Variants in DGKZ observed in about 807,000 individuals in gnomAD.
DGKZ encodes DAG kinase zeta.
In DGKZ, 45 loss-of-function variants were observed where a neutral mutation model predicts 142.5. That is an observed-to-expected ratio of 0.32 (90% CI 0.25 to 0.40). The LOEUF (loss-of-function observed/expected upper bound fraction) is 0.40, where lower values mean the gene tolerates loss of function less well. Among genes scored for constraint, DGKZ ranks in the 10% least tolerant of loss-of-function variants. DGKZ has a pLI of 1.00. For synonymous variants in DGKZ, 442 were observed against 527.0 expected (o/e 0.84, Z 2.21); for missense variants, 755 against 1,306.5 (o/e 0.58, Z 6.51).
At chr11:46,373,131 G>A (rs566611262) in intron 14 of DGKZ, 30 bp downstream of exon 14, 1 of 1,525,042 alleles carries the variant, frequency 6.6e-7, no homozygotes, top group South Asian at 1.2e-5. Flanking sequence ...TGGGGGGCAG[G>A]GCAGGTGACT....
chr11:46,363,087 A>C (rs1437317522), intron 1 of DGKZ, among the ~76,000 whole-genome samples: 1 of 152,110 alleles, frequency 6.6e-6, no homozygotes, highest in Non-Finnish European at 1.5e-5. Flanking sequence ...CTGTGTGGCG[A>C]GGTGGAGGTG....
Position 46,373,176 on chromosome 11 carries a change from T to C in DGKZ, c.1326+75T>C, listed in dbSNP as rs938541753. The C allele has an allele frequency of 4.8e-6, 7 of 1,471,138 alleles. No individual in the cohort carries two copies. In the African/African-American group the frequency reaches 1.0e-4, roughly 21 times the overall value. The allele number at this position is 1,471,138 out of a possible 1,614,324, so 91.1% of individuals were successfully genotyped here. ...ATCCCACTTTTCCACTTGCTGGTTC[T>C]GGGACCTCGGGCGTGTCTCTTCATT... On this transcript the variant is annotated intron_variant, in intron 14 of 30. Transcript: ENST00000527911.
At chr11:46,349,883 T>C (rs1466545985) in intron 1 of DGKZ, among the ~76,000 whole-genome samples, 1 of 151,420 alleles carries the variant, frequency 6.6e-6, no homozygotes, top group Admixed American at 6.5e-5. Flanking sequence ...CTTTAAGAAA[T>C]ACAGATTCCT....
upstream of DGKZ, among the ~76,000 whole-genome samples, chr11:46,346,892 T>A (rs993268564): frequency 2.6e-5 from 4 of 152,218 alleles, no homozygotes; most frequent in Admixed American, 2.6e-4. Context: ...TGTTGGTGTG[T>A]GTGCGAGTCA....
intron 1 of DGKZ, among the ~76,000 whole-genome samples, chr11:46,352,062 G>A (rs1174030742): frequency 6.6e-6 from 1 of 152,228 alleles, no homozygotes; most frequent in East Asian, 1.9e-4. Context: ...TGGGCTGGGG[G>A]AGAGTGAGAG....
At chr11:46,376,428 T>C in intron 23 of DGKZ, 31 bp downstream of exon 23, 2 of 1,614,058 alleles carry the variant, frequency 1.2e-6, no homozygotes, top group Middle Eastern at 1.6e-4. Context: ...CCAAGCTGTT[T>C]CGTGTTCCCT....
chr11:46,376,757 C>G, intron 24 of DGKZ, 193 bp downstream of exon 24: 2 of 808,100 alleles, frequency 2.5e-6, no homozygotes, highest in Non-Finnish European at 3.8e-6. Context: ...AGGGCGGTGC[C>G]AGCCAGAAAG....
chr11:46,369,307 T>G, intron 4 of DGKZ, 187 bp from the exon 5 acceptor site: 1 of 685,022 alleles, frequency 1.5e-6, no homozygotes, highest in South Asian at 1.6e-5. Context: ...CTCTGGCTAG[T>G]GAGGAGGAGG....
chr11:46,343,359 C>T (rs1403407742), upstream of DGKZ, among the ~76,000 whole-genome samples: 1 of 152,140 alleles, frequency 6.6e-6, no homozygotes, highest in Non-Finnish European at 1.5e-5. Flanking sequence ...ATGAGGGACA[C>T]AAAGGTGATT....
Position 46,376,334 on chromosome 11 carries a change from G to A in DGKZ, c.2098G>A (p.Asp700Asn), listed in dbSNP as rs757806104. 2.2e-5 allele frequency: 35 copies of A among 1,613,916 alleles called. No individual in the cohort carries two copies. Among genetic ancestry groups the A allele is most frequent in the African/African-American group, 4.0e-5 (3 of 74,918 alleles). The change falls in exon 23 of 31, where the codon GAT (aspartate) becomes AAT (asparagine). Residue 700 changes from aspartate (D) to asparagine (N), a missense_variant. By Grantham distance (23) the Asp-to-Asn change is conservative. Transcript: ENST00000527911. ...CCTTTGCTTCTCTCAACAGGAGCCC[G>A]ATGGTGCTGGAGCCAAGTCCCCGAC...
rs73466016 is a variant in DGKZ, at chr11:46,375,416, C to A, written c.1711-16C>A. 10,179 of 1,559,608 alleles carry A rather than the reference C, an allele frequency of 6.5e-3. 235 individuals are homozygous for A. In the African/African-American group the frequency reaches 0.074, roughly 11 times the overall value. ...CAGCCCTGGTGCCATCTGACCCAAG[C>A]TTCCTGTGCCCACAGGCCGCGCTGC... On this transcript the variant is annotated splice_polypyrimidine_tract_variant and intron_variant, in intron 19 of 30. Coordinates refer to ENST00000527911, the Ensembl canonical transcript of DGKZ.
At chr11:46,379,469 C>T (rs1291793204) in exon 30 of DGKZ, 12 of 1,608,410 alleles carry the variant, frequency 7.5e-6, no homozygotes, top group African/African-American at 1.3e-5. Flanking sequence ...GCTCCCCCAG[C>T]GGGGAGACCT....
At chr11:46,339,771 G>T (rs1163017437) in intron 1 of DGKZ, among the ~76,000 whole-genome samples, 1 of 152,270 alleles carries the variant, frequency 6.6e-6, no homozygotes, top group African/African-American at 2.4e-5. Context: ...GCATGGGGAA[G>T]CCTGGAGTGG....
At chr11:46,373,148 T>C in intron 14 of DGKZ, 47 bp downstream of exon 14, 1 of 1,497,890 alleles carries the variant, frequency 6.7e-7, no homozygotes, top group Non-Finnish European at 8.9e-7. Flanking sequence ...GACTGGGGAC[T>C]GGATCCCACT....
In DGKZ at chr11:46,367,330, C is replaced by T. The variant is rs1943424293; in HGVS notation, c.201C>T (p.Pro67=). Residue 67 remains proline, a synonymous_variant, in exon 2 of 31, where the codon CCC becomes CCT. Transcript: ENST00000527911. The surrounding 1 kb of genome is among the most constrained non-coding windows in gnomAD (Gnocchi z 4.1). ...AGTCGGGCCTCCAGCACCTGGCCCC[C>T]CCTCCGCCCACCCCTGGGGCCCCGT... The T allele has an allele frequency of 8.7e-6, 14 of 1,612,914 alleles. No individual in the cohort carries two copies. The highest frequency in any genetic ancestry group is 1.7e-5 in the Admixed American group (1 of 60,016).
exon 1 of DGKZ, chr11:46,333,068 G>T (rs1022516169): frequency 1.5e-4 from 56 of 381,166 alleles, no homozygotes; most frequent in Non-Finnish European, 2.1e-4. Context: ...CCCCCGGAGC[G>T]CAGGAGGACC....
At chr11:46,365,303 G>C (rs550869347) in intron 1 of DGKZ, 2 of 985,250 alleles carry the variant, frequency 2.0e-6, no homozygotes, top group Non-Finnish European at 2.4e-6. Context: ...ATCAGGAGCA[G>C]AGTCAGAAGG....
At chr11:46,358,335 A>C (rs965125123) in intron 1 of DGKZ, among the ~76,000 whole-genome samples, 2 of 152,182 alleles carry the variant, frequency 1.3e-5, no homozygotes, top group African/African-American at 4.8e-5. Flanking sequence ...AAATATATAT[A>C]AGGCACCTTT....
chr11:46,372,429 G>A lies in DGKZ; in HGVS notation c.929G>A (p.Gly310Asp). The A allele has an allele frequency of 3.7e-6, 6 of 1,613,968 alleles. No homozygotes were observed. The highest frequency in any genetic ancestry group is 5.1e-6 in the Non-Finnish European group (6 of 1,179,992). Residue 310 changes from glycine (G) to aspartate (D), a missense_variant and splice_region_variant, in exon 11 of 31, where the codon GGT becomes GAT. Physicochemically the swap from Gly to Asp is moderately conservative, Grantham distance 94. Transcript: ENST00000527911. This position sits in a 1 kb window ranked among gnomAD's most constrained non-coding sequence, Gnocchi z 5.9. The stretch of plus-strand genomic sequence containing the variant: ...CTCTTGGCTCCCCATCCCATCCAGG[G>A]TGCAAAGATCATCCAGTCTTTCCTC...
Sources: allele counts gnomAD v4.1 joint callset (sites outside exome capture counted in the v4.1 genomes callset), GRCh38; gene constraint gnomAD v4.1.1; non-coding constraint Gnocchi (gnomAD v3.1); transcripts MANE v1.5; gene names NCBI Gene and HGNC (gene_info 2026-07-23, HGNC 2026-07-21).